MS4A18: variants seen among roughly 807,000 people sequenced by gnomAD.
MS4A18 encodes membrane spanning 4-domains A18.
Under a neutral mutation model 13.1 loss-of-function variants are expected in MS4A18, and 27 were observed. The ratio of observed to expected loss-of-function variants is 2.06; its 90% CI spans 1.52 to 2.84. The LOEUF is 2.84. MS4A18 is among the 30% of genes most tolerant of loss of function. The pLI is 0.00. For synonymous variants in MS4A18, 126 were observed against 76.5 expected (o/e 1.65, Z -3.38); for missense variants, 307 against 196.4 (o/e 1.56, Z -3.37).
At chr11:60,729,929 G>A in intron 1 of MS4A18, 143 bp downstream of exon 2, 1 of 597,712 alleles carries the variant, frequency 1.7e-6, no homozygotes, top group South Asian at 2.0e-5. Context: ...GCTGGACCCA[G>A]TACAATCACC....
At chr11:60,734,014 T>A (rs1590963069) in intron 2 of MS4A18, among the ~76,000 whole-genome samples, 1 of 152,010 alleles carries the variant, frequency 6.6e-6, no homozygotes, top group African/African-American at 2.4e-5. Context: ...GAGGCCGAGG[T>A]AGGTGAATCA....
chr11:60,738,872 T>C (rs1465814055), intron 3 of MS4A18, 30 bp from the exon 5 acceptor site: 4 of 702,524 alleles, frequency 5.7e-6, no homozygotes, highest in Middle Eastern at 4.6e-4. Flanking sequence ...CAGACTCGGC[T>C]CCCTCTCTCC....
At chr11:60,724,979 G>A (rs7948533), upstream of MS4A18, among the ~76,000 whole-genome samples, 5,861 of 152,264 alleles carry the variant, frequency 0.038, 355 homozygotes, top group African/African-American at 0.13. Context: ...GGTGCTGGGA[G>A]GCTGGGAAGT....
At chr11:60,730,447 C>T (rs939437304) in intron 1 of MS4A18, among the ~76,000 whole-genome samples, 10 of 152,200 alleles carry the variant, frequency 6.6e-5, no homozygotes, top group African/African-American at 1.9e-4. Flanking sequence ...CAACACTGCA[C>T]GTGCCCTGCA....
At chr11:60,737,398 G>A (rs1345933294) in intron 3 of MS4A18, among the ~76,000 whole-genome samples, 1 of 152,224 alleles carries the variant, frequency 6.6e-6, no homozygotes, top group African/African-American at 2.4e-5. Flanking sequence ...TACACGCAGT[G>A]CCTTATGGGT....
upstream of MS4A18, among the ~76,000 whole-genome samples, chr11:60,726,521 C>A (rs556392541): frequency 2.0e-5 from 3 of 152,164 alleles, no homozygotes; most frequent in South Asian, 6.2e-4. Context: ...TGATCCTTGC[C>A]CCTGGACTTT....
At chr11:60,741,500 G>T (rs1288856202) in intron 5 of MS4A18, among the ~76,000 whole-genome samples, 2 of 152,052 alleles carry the variant, frequency 1.3e-5, no homozygotes, top group Non-Finnish European at 2.9e-5. Context: ...TCTTTGTGGG[G>T]AGCTAGGTTC....
chr11:60,729,820 T>C (rs1853226838), intron 1 of MS4A18, 34 bp downstream of exon 2: 2 of 670,180 alleles, frequency 3.0e-6, no homozygotes, highest in East Asian at 5.4e-5. Flanking sequence ...CCGATTTGGG[T>C]CACTTCATAA....
At chr11:60,730,243 T>G (rs1462228908) in intron 1 of MS4A18, among the ~76,000 whole-genome samples, 1 of 152,218 alleles carries the variant, frequency 6.6e-6, no homozygotes, top group African/African-American at 2.4e-5. Context: ...CAAGGTTTTG[T>G]GATTTCCTTT....
At chr11:60,737,281 C>A (rs1037074768) in intron 3 of MS4A18, among the ~76,000 whole-genome samples, 1 of 152,210 alleles carries the variant, frequency 6.6e-6, no homozygotes, top group East Asian at 1.9e-4. Context: ...GAGTACATGG[C>A]AGAGCTGGGA....
At chr11:60,736,118 G>A (rs1389539598) in intron 2 of MS4A18, among the ~76,000 whole-genome samples, 1 of 152,196 alleles carries the variant, frequency 6.6e-6, no homozygotes, top group Non-Finnish European at 1.5e-5. Context: ...TTGGGAAGAA[G>A]TGAGTTCCTT....
At chr11:60,729,288 C>CT (rs1853212798), upstream of MS4A18, 1 of 690,194 alleles carries the variant, frequency 1.4e-6, no homozygotes, top group African/African-American at 1.8e-5. Context: ...AATGCACCTT[C>CT]TTATGTGTTT....
upstream of MS4A18, among the ~76,000 whole-genome samples, chr11:60,726,843 G>C (rs1853169061): frequency 6.6e-6 from 1 of 151,254 alleles, no homozygotes; most frequent in South Asian, 2.1e-4. Context: ...ATGTGCTATG[G>C]TGGTTTGCTG....
At chr11:60,742,558 C>T (rs1853426796) in intron 5 of MS4A18, among the ~76,000 whole-genome samples, 1 of 152,194 alleles carries the variant, frequency 6.6e-6, no homozygotes, top group African/African-American at 2.4e-5. Context: ...TTCTTAGAAG[C>T]ATTTCTGTCT....
chr11:60,729,154 C>A (rs999444986), upstream of MS4A18: 7 of 599,220 alleles, frequency 1.2e-5, no homozygotes, highest in Non-Finnish European at 2.1e-5. Context: ...ACAGTGTGTT[C>A]TTGCCAAGAA....
At chr11:60,726,060 T>C (rs1853157535), upstream of MS4A18, among the ~76,000 whole-genome samples, 2 of 152,196 alleles carry the variant, frequency 1.3e-5, no homozygotes, top group South Asian at 4.1e-4. Flanking sequence ...GAACATTTCT[T>C]CTGGGAAATG....
intron 2 of MS4A18, among the ~76,000 whole-genome samples, chr11:60,734,223 T>C (rs1389569585): frequency 1.3e-5 from 2 of 151,928 alleles, no homozygotes; most frequent in Non-Finnish European, 2.9e-5. Flanking sequence ...ACCACTGCAC[T>C]CCAGCCTGGG....
intron 2 of MS4A18, among the ~76,000 whole-genome samples, chr11:60,734,363 T>G (rs1381987297): frequency 6.6e-6 from 1 of 152,220 alleles, no homozygotes; most frequent in Non-Finnish European, 1.5e-5. Flanking sequence ...CTGCAAAATT[T>G]CCAGGAATTA....
chr11:60,732,391 C>T (rs1039045758), intron 1 of MS4A18, among the ~76,000 whole-genome samples: 8 of 151,908 alleles, frequency 5.3e-5, no homozygotes, highest in African/African-American at 9.7e-5. Flanking sequence ...AAGAGAATAT[C>T]GGTACTGGGA....
Sources: allele counts gnomAD v4.1 joint callset (sites outside exome capture counted in the v4.1 genomes callset), GRCh38; gene constraint gnomAD v4.1.1; transcripts MANE v1.5; gene names NCBI Gene and HGNC (gene_info 2026-07-23, HGNC 2026-07-21).